The following PPFIA2 variants were observed in gnomAD, a reference collection of about 807,000 sequenced individuals.
PPFIA2 encodes the protein liprin-alpha-2.
A neutral mutation model predicts 175.5 loss-of-function variants in PPFIA2; 46 were observed. The observed-to-expected ratio is 0.26, with a 90% CI of 0.21 to 0.34. PPFIA2 has a LOEUF of 0.34. Ranked by LOEUF, PPFIA2 falls within the 10% of genes least tolerant of loss-of-function variation. The pLI is 1.00. For synonymous variants in PPFIA2, 568 were observed against 511.4 expected, an observed-to-expected ratio of 1.11 and a Z score of -1.49; for missense variants, 1,179 against 1,506.1, an observed-to-expected ratio of 0.78 and a Z score of 3.60.
intron 30 of PPFIA2, among the ~76,000 whole-genome samples, chr12:81,265,881 A>G (rs1430050021): frequency 6.6e-6 from 1 of 152,222 alleles, no homozygotes; most frequent in East Asian, 1.9e-4. Context: ...GTATGAGTTT[A>G]TAAGACTACC....
chr12:81,645,376 A>G (rs1157319750), intron 4 of PPFIA2, among the ~76,000 whole-genome samples: 1 of 152,180 alleles, frequency 6.6e-6, no homozygotes, highest in Non-Finnish European at 1.5e-5. Flanking sequence ...CTTAATGTTC[A>G]ATATTTTACA....
At chr12:81,593,469 T>G (rs2058906179) in intron 4 of PPFIA2, among the ~76,000 whole-genome samples, 1 of 152,230 alleles carries the variant, frequency 6.6e-6, no homozygotes, top group Non-Finnish European at 1.5e-5. Flanking sequence ...CTTACTGTGT[T>G]AAATTTTAAT....
intron 3 of PPFIA2, among the ~76,000 whole-genome samples, chr12:81,748,790 C>T (rs1486301872): frequency 6.9e-6 from 1 of 144,092 alleles, no homozygotes; most frequent in East Asian, 2.1e-4. Flanking sequence ...GTAATCCATC[C>T]AAAATCAAGA....
chr12:81,713,669 T>C (rs1029457539), intron 3 of PPFIA2, among the ~76,000 whole-genome samples: 20 of 151,150 alleles, frequency 1.3e-4, no homozygotes, highest in Non-Finnish European at 4.4e-5. Flanking sequence ...GCTAGTGGTG[T>C]CTCATAGGCT....
At chr12:81,303,720 T>C (rs1433591768) in intron 22 of PPFIA2, among the ~76,000 whole-genome samples, 1 of 152,164 alleles carries the variant, frequency 6.6e-6, no homozygotes, top group East Asian at 1.9e-4. Context: ...AAGTCTGCAC[T>C]TGCTATGCCT....
At chr12:81,429,934 T>C (rs1298549297) in intron 7 of PPFIA2, 1 of 152,048 alleles carries the variant, frequency 6.6e-6, no homozygotes, top group East Asian at 1.9e-4. Context: ...CCTTGCTATG[T>C]TCTATGTTGT....
chr12:81,646,537 C>T (rs2066104909), intron 4 of PPFIA2, among the ~76,000 whole-genome samples: 1 of 152,304 alleles, frequency 6.6e-6, no homozygotes, highest in Non-Finnish European at 1.5e-5. Flanking sequence ...AAAGCCCTCA[C>T]TCCTCTTTCA....
At chr12:81,520,422 C>A (rs2062980055) in intron 4 of PPFIA2, among the ~76,000 whole-genome samples, 1 of 152,168 alleles carries the variant, frequency 6.6e-6, no homozygotes, top group Non-Finnish European at 1.5e-5. Context: ...AGCCGTACAA[C>A]TGACCTTAGG....
chr12:81,732,525 A>G (rs1024928176), intron 3 of PPFIA2, among the ~76,000 whole-genome samples: 1 of 150,770 alleles, frequency 6.6e-6, no homozygotes, highest in Admixed American at 6.6e-5. Flanking sequence ...AAAAAAAAAA[A>G]AAAACACTCA....
At chr12:81,570,558 T>C (rs1396436434) in intron 4 of PPFIA2, among the ~76,000 whole-genome samples, 1 of 152,078 alleles carries the variant, frequency 6.6e-6, no homozygotes, top group African/African-American at 2.4e-5. Context: ...TTAAGCAATC[T>C]TGGTTTTAAA....
At chr12:81,494,050 A>G (rs2059740796) in intron 4 of PPFIA2, among the ~76,000 whole-genome samples, 1 of 151,994 alleles carries the variant, frequency 6.6e-6, no homozygotes, top group Non-Finnish European at 1.5e-5. Context: ...CTTCATGTCT[A>G]AAACACCAAA....
intron 4 of PPFIA2, among the ~76,000 whole-genome samples, chr12:81,504,814 A>T (rs2060971414): frequency 6.6e-6 from 1 of 152,256 alleles, no homozygotes; most frequent in Non-Finnish European, 1.5e-5. Flanking sequence ...CTATGCAGCC[A>T]TAAAAAAGGA....
chr12:81,620,975 G>T (rs1344153401), intron 4 of PPFIA2, among the ~76,000 whole-genome samples: 2 of 152,108 alleles, frequency 1.3e-5, no homozygotes, highest in East Asian at 3.8e-4. Context: ...GAATTGGTGT[G>T]GAATGAAATG....
At chr12:81,379,443 T>C (rs1418799071) in intron 9 of PPFIA2, among the ~76,000 whole-genome samples, 1 of 152,154 alleles carries the variant, frequency 6.6e-6, no homozygotes, top group Non-Finnish European at 1.5e-5. Flanking sequence ...TTTAATCACA[T>C]AGTGAAATTC....
chr12:81,695,128 T>G (rs896211454), intron 3 of PPFIA2, among the ~76,000 whole-genome samples: 6 of 152,156 alleles, frequency 3.9e-5, no homozygotes, highest in African/African-American at 1.4e-4. Context: ...TTTGAACTTT[T>G]GAGTTTACAC....
At chr12:81,338,052 G>C (rs1338616565) in intron 21 of PPFIA2, among the ~76,000 whole-genome samples, 1 of 152,072 alleles carries the variant, frequency 6.6e-6, no homozygotes, top group Non-Finnish European at 1.5e-5. Context: ...GATGCTTTCT[G>C]TGGGTTTCAC....
rs1478198070 is a variant in PPFIA2 at position 81,487,697 on chromosome 12, A to G, written c.304-29831T>C. Among the ~76,000 whole-genome samples, 3 of 151,782 alleles carry G rather than the reference A, an allele frequency of 2.0e-5. No homozygotes were observed. In the East Asian group the frequency reaches 5.8e-4, roughly 29 times the overall value. On this transcript the variant is annotated intron_variant, in intron 4 of 32. Coordinates refer to ENST00000549396, the MANE Select transcript of PPFIA2 (RefSeq NM_003625.5). ...TCAGAATTCTATCAGGCCCACTCTT[A>G]GGATTCTTTCACAGTCAATTCCAGT... is the stretch of plus-strand genomic sequence containing the variant.
chr12:81,421,238 C>T (rs1201800059), intron 7 of PPFIA2, among the ~76,000 whole-genome samples: 1 of 152,008 alleles, frequency 6.6e-6, no homozygotes, highest in Admixed American at 6.6e-5. Context: ...ATAAATCTCA[C>T]TGGTTAAGGT....
chr12:81,342,177 G>A lies in PPFIA2; in HGVS notation c.2263-969C>T, dbSNP rs377094003. 2.1e-4 allele frequency among the ~76,000 whole-genome samples: 32 copies of A among 152,186 alleles called. No homozygotes were observed. The South Asian group carries it at 6.2e-3, about 30-fold the overall frequency. Reference sequence around the variant, plus strand: ...ACTCAGGATACTATCCATTTTGTCAGAGATGAAGATATAGAGCTGTAACTT... The same window carrying A: ...ACTCAGGATACTATCCATTTTGTCAAAGATGAAGATATAGAGCTGTAACTT... On this transcript the variant is annotated intron_variant, in intron 19 of 32. Transcript: ENST00000549396.
Sources: gnomAD v4.1 joint callset for allele counts (sites outside exome capture counted in the v4.1 genomes callset) on GRCh38, gnomAD v4.1.1 for gene constraint, MANE v1.5 for transcripts, NCBI Gene and HGNC (gene_info 2026-07-23, HGNC 2026-07-21) for gene names.